TRMT11: variants seen among roughly 807,000 people sequenced by gnomAD.
TRMT11 encodes the protein tRNA (guanine(10)-N(2))-methyltransferase TRMT11.
A neutral mutation model predicts 62.8 loss-of-function variants in TRMT11; 53 were observed. The ratio of observed to expected loss-of-function variants is 0.84; its 90% CI spans 0.68 to 1.06. TRMT11 has a LOEUF of 1.06. Ranked by LOEUF, TRMT11 falls within the 50% of genes least tolerant of loss-of-function variation. The pLI, the probability that TRMT11 is intolerant of heterozygous loss-of-function variation, is 0.00. For missense variants in TRMT11, 556 were observed against 553.4 expected (o/e 1.00, Z -0.05); for synonymous variants, 188 against 190.3 (o/e 0.99, Z 0.10).
intron 17 of TRMT11, among the ~76,000 whole-genome samples, chr6:126,054,731 G>T (rs934530735): frequency 2.6e-5 from 4 of 152,176 alleles, no homozygotes; most frequent in Non-Finnish European, 4.4e-5. Context: ...TATACATAAA[G>T]GATATTTTAC....
chr6:126,228,787 A>G, the TRMT11 span, among the ~76,000 whole-genome samples: 2 of 152,274 alleles, frequency 1.3e-5, no homozygotes, highest in Non-Finnish European at 2.9e-5. Context: ...AAACTCTCAG[A>G]GCTCCACGAG....
At chr6:125,998,960 T>TG (rs1403849876) in intron 6 of TRMT11, among the ~76,000 whole-genome samples, 96 of 151,932 alleles carry the variant, frequency 6.3e-4, no homozygotes, top group Middle Eastern at 3.4e-3. Context: ...TTTTTTTTTT[T>TG]TTTGTTTGTT....
chr6:126,018,888 TA>T (rs1398841664), intron 11 of TRMT11, among the ~76,000 whole-genome samples: 1 of 152,182 alleles, frequency 6.6e-6, no homozygotes, highest in African/African-American at 2.4e-5. Context: ...TACTTTATTT[TA>T]TTTTTTTTTT....
chr6:126,212,472 T>G, the TRMT11 span, among the ~76,000 whole-genome samples: 3 of 152,138 alleles, frequency 2.0e-5, no homozygotes, highest in Non-Finnish European at 4.4e-5. Context: ...TTTTAACTGT[T>G]GTGAGATGAT....
the TRMT11 span, among the ~76,000 whole-genome samples, chr6:126,267,257 A>T: frequency 6.6e-6 from 1 of 152,216 alleles, no homozygotes; most frequent in Admixed American, 6.5e-5. Flanking sequence ...GTATTAAATG[A>T]TTTAATGTAC....
chr6:126,252,320 G>C, the TRMT11 span, among the ~76,000 whole-genome samples: 1 of 152,152 alleles, frequency 6.6e-6, no homozygotes. Context: ...ACCTGGGATG[G>C]CCAACAAGAG....
chr6:126,179,187 C>A (rs1225476528), intron 1 of TRMT11, among the ~76,000 whole-genome samples: 3 of 152,144 alleles, frequency 2.0e-5, no homozygotes, highest in Admixed American at 2.0e-4. Flanking sequence ...TGTGGACCTT[C>A]TTCCTTCCTG....
At chr6:126,183,261 A>G (rs972066776) in intron 1 of TRMT11, among the ~76,000 whole-genome samples, 1 of 152,194 alleles carries the variant, frequency 6.6e-6, no homozygotes, top group African/African-American at 2.4e-5. Flanking sequence ...TCAGGTCATG[A>G]TAAGGCCAAC....
chr6:126,240,622 G>C, the TRMT11 span, among the ~76,000 whole-genome samples: 30 of 152,300 alleles, frequency 2.0e-4, no homozygotes, highest in South Asian at 1.7e-3. Context: ...TGCCCCTACT[G>C]GGGGGTGCCT....
At chr6:126,246,542 A>C in the TRMT11 span, among the ~76,000 whole-genome samples, 1 of 152,202 alleles carries the variant, frequency 6.6e-6, no homozygotes, top group Non-Finnish European at 1.5e-5. Flanking sequence ...ATAAAGTGAT[A>C]GCTGCATCCA....
the TRMT11 span, among the ~76,000 whole-genome samples, chr6:126,216,035 T>C: frequency 6.6e-6 from 1 of 152,146 alleles, no homozygotes; most frequent in African/African-American, 2.4e-5. Context: ...TACAGTGTTA[T>C]AATATTCTGT....
intron 17 of TRMT11, among the ~76,000 whole-genome samples, chr6:126,076,112 G>A (rs984323470): frequency 6.6e-6 from 1 of 152,118 alleles, no homozygotes; most frequent in African/African-American, 2.4e-5. Context: ...GGTTGTGGGG[G>A]GTTGGGGGTG....
At chr6:126,262,375 G>T in the TRMT11 span, among the ~76,000 whole-genome samples, 1 of 152,314 alleles carries the variant, frequency 6.6e-6, no homozygotes, top group South Asian at 2.1e-4. Flanking sequence ...TCCCTTAGGG[G>T]TGATGTGCTG....
chr6:126,100,563 C>T (rs1349746119), intron 17 of TRMT11, among the ~76,000 whole-genome samples: 2 of 152,186 alleles, frequency 1.3e-5, no homozygotes, highest in South Asian at 2.1e-4. Context: ...AAGGAATGTG[C>T]TGTCACATAC....
intron 1 of TRMT11, among the ~76,000 whole-genome samples, chr6:126,180,983 A>G (rs1778458744): frequency 6.6e-6 from 1 of 152,232 alleles, no homozygotes; most frequent in Non-Finnish European, 1.5e-5. Flanking sequence ...TATTTACGTA[A>G]TAAGTATTTA....
At chr6:126,123,224 G>A (rs1178889623) in intron 21 of TRMT11, among the ~76,000 whole-genome samples, 1 of 152,064 alleles carries the variant, frequency 6.6e-6, no homozygotes, top group Non-Finnish European at 1.5e-5. Flanking sequence ...TTTAAAAGCT[G>A]GAGCTCTTAA....
intron 17 of TRMT11, among the ~76,000 whole-genome samples, chr6:126,057,356 A>G (rs1776401817): frequency 1.3e-5 from 2 of 152,204 alleles, no homozygotes; most frequent in South Asian, 4.1e-4. Flanking sequence ...TGTATTAGGG[A>G]AAAGTCAGTA....
the TRMT11 span, among the ~76,000 whole-genome samples, chr6:126,233,364 C>T: frequency 1.3e-5 from 2 of 152,174 alleles, no homozygotes; most frequent in Non-Finnish European, 2.9e-5. Context: ...AGAGACCAGG[C>T]TCTTTCTATC....
In TRMT11 at chr6:126,193,488, G is replaced by GTTTTTTTTTTTTTTTTTTTTTTT. The variant is rs1778627491; in HGVS notation, n.144-5310_144-5309insTTTTTTTTTTTTTTTTTTTTTTT. Among the ~76,000 whole-genome samples the GTTTTTTTTTTTTTTTTTTTTTTT allele has an allele frequency of 1.2e-4, 14 of 118,128 alleles. 1 individual carries two copies. Among genetic ancestry groups the GTTTTTTTTTTTTTTTTTTTTTTT allele is most frequent in the African/African-American group, 4.5e-4 (12 of 26,896 alleles). The allele number at this position is 118,128 out of a possible 152,430, so 77.5% of individuals were successfully genotyped here. A position where few individuals can be genotyped will look rare whatever the true frequency, so the allele number is the denominator to read the frequency against. ...TAGGTTATTTAAGAGGAGCGTTTCT[G>GTTTTTTTTTTTTTTTTTTTTTTT]TATTTTTTTTTTTTTTTTTTTTTTT... On this transcript the variant is annotated intron_variant and non_coding_transcript_variant, in intron 1 of 3. Transcript: ENST00000444229.
Sources: gnomAD v4.1 joint callset for allele counts (sites outside exome capture counted in the v4.1 genomes callset) on GRCh38, gnomAD v4.1.1 for gene constraint, MANE v1.5 for transcripts, NCBI Gene and HGNC (gene_info 2026-07-23, HGNC 2026-07-21) for gene names.